Variants in GRB2 observed in about 807,000 individuals in gnomAD.
GRB2 encodes the protein growth factor receptor-bound protein 2.
A neutral mutation model predicts 27.4 loss-of-function variants in GRB2; 2 were observed. That is an observed-to-expected ratio of 0.07 (90% CI 0.03 to 0.23). The LOEUF (loss-of-function observed/expected upper bound fraction) is 0.23, where lower values mean the gene tolerates loss of function less well. Ranked by LOEUF, GRB2 falls within the 10% of genes least tolerant of loss-of-function variation. GRB2 has a pLI of 1.00. For missense variants in GRB2, 102 were observed against 282.4 expected (o/e 0.36, Z 4.58); for synonymous variants, 94 against 99.6 (o/e 0.94, Z 0.33).
At chr17:75,361,569 G>A (rs2078781925) in intron 2 of GRB2, among the ~76,000 whole-genome samples, 1 of 152,086 alleles carries the variant, frequency 6.6e-6, no homozygotes, top group South Asian at 2.1e-4. Context: ...AAGGTACCAA[G>A]TTATCTACTT....
intron 3 of GRB2, among the ~76,000 whole-genome samples, chr17:75,331,133 T>G (rs1305163772): frequency 6.6e-6 from 1 of 152,202 alleles, no homozygotes; most frequent in African/African-American, 2.4e-5. Flanking sequence ...CAACAGCAAC[T>G]ACGTCTGCAA....
chr17:75,378,311 G>A (rs571329061), intron 2 of GRB2, among the ~76,000 whole-genome samples: 61 of 152,124 alleles, frequency 4.0e-4, no homozygotes, highest in Non-Finnish European at 8.2e-4. Flanking sequence ...AATCACAGGA[G>A]GGCGGAGGTT....
At chr17:75,336,927 G>A (rs531079869) in intron 2 of GRB2, among the ~76,000 whole-genome samples, 165 of 152,198 alleles carry the variant, frequency 1.1e-3, no homozygotes, top group African/African-American at 3.9e-3. Context: ...TAGCAGACAC[G>A]GGATTTCACC....
Position 75,331,825 on chromosome 17 carries a change from G to A in GRB2, c.176+875C>T, listed in dbSNP as rs555009195. 3.7e-4 allele frequency among the ~76,000 whole-genome samples: 57 copies of A among 152,268 alleles called. 1 individual carries two copies. Among genetic ancestry groups the A allele is most frequent in the Middle Eastern group, 3.4e-3 (1 of 294 alleles). On this transcript the variant is annotated intron_variant, in intron 3 of 5. Transcript: ENST00000316804. ...TTGACCTACAGTTTCTTTTGAGGAC[G>A]ACTGAAGGAAACAGAAGTACACAAA...
intron 2 of GRB2, among the ~76,000 whole-genome samples, chr17:75,368,485 A>T (rs1196734124): frequency 4.0e-5 from 6 of 150,962 alleles, no homozygotes; most frequent in Non-Finnish European, 8.8e-5. Flanking sequence ...CAGCCTCCAA[A>T]GTGCTGGGAT....
chr17:75,353,931 T>C (rs1474900324), intron 2 of GRB2, among the ~76,000 whole-genome samples: 1 of 151,624 alleles, frequency 6.6e-6, no homozygotes, highest in African/African-American at 2.4e-5. Flanking sequence ...TCCCAGCTAC[T>C]TGGGAGGCTG....
intron 2 of GRB2, among the ~76,000 whole-genome samples, chr17:75,343,924 TATG>T (rs1308218289): frequency 6.6e-6 from 1 of 152,116 alleles, no homozygotes; most frequent in Non-Finnish European, 1.5e-5. Context: ...TCAACAATCA[TATG>T]ATGACCTGTA....
At chr17:75,348,275 G>T (rs569974866) in intron 2 of GRB2, among the ~76,000 whole-genome samples, 1 of 152,264 alleles carries the variant, frequency 6.6e-6, no homozygotes, top group African/African-American at 2.4e-5. Flanking sequence ...GGAACTCCTG[G>T]TCTCAAGGTA....
chr17:75,404,533 T>A, intron 1 of GRB2, among the ~76,000 whole-genome samples: 1 of 126,772 alleles, frequency 7.9e-6, no homozygotes, highest in Admixed American at 9.2e-5. Context: ...GGGAAGTACA[T>A]TAGAAAAAAA....
intron 2 of GRB2, among the ~76,000 whole-genome samples, chr17:75,344,679 C>A (rs2078643250): frequency 6.6e-6 from 1 of 151,952 alleles, no homozygotes. Context: ...AGGTGTTGAG[C>A]CACCGCGCTC....
At chr17:75,381,108 T>C (rs137872840) in intron 2 of GRB2, among the ~76,000 whole-genome samples, 134 of 152,242 alleles carry the variant, frequency 8.8e-4, no homozygotes, top group Middle Eastern at 3.4e-3. Context: ...TATACAGCAA[T>C]AGGGAAATAA....
intron 2 of GRB2, among the ~76,000 whole-genome samples, chr17:75,358,972 G>A (rs1469358914): frequency 6.9e-6 from 1 of 145,560 alleles, no homozygotes; most frequent in African/African-American, 2.5e-5. Flanking sequence ...CAGCACTTTG[G>A]GAGGCTGAGG....
intron 2 of GRB2, among the ~76,000 whole-genome samples, chr17:75,342,981 C>T (rs2078630927): frequency 1.4e-5 from 2 of 144,280 alleles, no homozygotes; most frequent in South Asian, 2.2e-4. Context: ...CCTGGGAGGT[C>T]GAGGCCTGCA....
chr17:75,359,414 G>A (rs1333666893), intron 2 of GRB2, among the ~76,000 whole-genome samples: 1 of 151,924 alleles, frequency 6.6e-6, no homozygotes, highest in Non-Finnish European at 1.5e-5. Flanking sequence ...GCTGAGGCAG[G>A]AGGATCACCT....
chr17:75,323,688 G>A (rs550814304), intron 4 of GRB2, among the ~76,000 whole-genome samples: 9 of 152,232 alleles, frequency 5.9e-5, no homozygotes, highest in African/African-American at 1.7e-4. Context: ...GGCTGCCCCC[G>A]TGGTTTTGGC....
rs1417381613 is a variant in GRB2 at position 75,321,688 on chromosome 17, A to G, written c.439T>C (p.Phe147Leu). The G allele has an allele frequency of 2.5e-6, 4 of 1,614,054 alleles. No individual in the cohort carries two copies. Among genetic ancestry groups the G allele is most frequent in the Non-Finnish European group, 3.4e-6 (4 of 1,180,022 alleles). ...STSVSRNQQI[F>L]LRDIEQVPQQ... Reference sequence around the variant, plus strand: ...GGCACCTGTTCTATGTCCCGCAGGAATATCTGCTGGTTTCTGGAGACAGAT... The same window carrying G: ...GGCACCTGTTCTATGTCCCGCAGGAGTATCTGCTGGTTTCTGGAGACAGAT... Residue 147 changes from phenylalanine to leucine, a missense_variant, in exon 5 of 6, where the codon TTC (phenylalanine) becomes CTC (leucine). By Grantham distance (22) the Phe-to-Leu change is conservative (BLOSUM62 0). This residue lies in a region of GRB2 where 57 missense variants were observed against 152.9 expected (regional missense o/e 0.37). Coordinates refer to ENST00000316804, the MANE Select transcript of GRB2 (RefSeq NM_002086.5).
At chr17:75,352,112 C>T (rs2078696287) in intron 2 of GRB2, among the ~76,000 whole-genome samples, 1 of 152,176 alleles carries the variant, frequency 6.6e-6, no homozygotes, top group Non-Finnish European at 1.5e-5. Context: ...AGACCAGAGG[C>T]TTCTCTAGTA....
rs2079011980 is a variant in GRB2 at position 75,393,641 on chromosome 17, T to G, written c.-13A>C. 5 of 1,608,324 alleles carry G rather than the reference T, an allele frequency of 3.1e-6. No homozygotes were observed. The highest frequency in any genetic ancestry group is 4.3e-6 in the Non-Finnish European group (5 of 1,174,874). On this transcript the variant is annotated 5_prime_UTR_variant, in exon 2 of 6. Coordinates refer to ENST00000316804, the MANE Select transcript of GRB2 (RefSeq NM_002086.5). ...CGATGGCTTCCATTCTGAGCGCTGC[T>G]CAGTGCTCAGCAGCCTGAAGCAGGG...
At chr17:75,368,469 C>T (rs2078834602) in intron 2 of GRB2, among the ~76,000 whole-genome samples, 1 of 151,864 alleles carries the variant, frequency 6.6e-6, no homozygotes, top group African/African-American at 2.4e-5. Flanking sequence ...CGTGATCCAT[C>T]CGCCTCAGCC....
Sources: gnomAD v4.1 joint callset for allele counts (sites outside exome capture counted in the v4.1 genomes callset) on GRCh38, gnomAD v4.1.1 for gene constraint, gnomAD v4.1.1 regional missense constraint, MANE v1.5 for transcripts, NCBI Gene and HGNC (gene_info 2026-07-23, HGNC 2026-07-21) for gene names.